The following CALN1 variants were observed in gnomAD, a reference collection of about 807,000 sequenced individuals.
The protein encoded by CALN1 is calcium-binding protein 8.
Under a neutral mutation model 30.6 loss-of-function variants are expected in CALN1, and 17 were observed. The observed-to-expected ratio is 0.56, with a 90% confidence interval of 0.38 to 0.83. CALN1 has a LOEUF of 0.83. CALN1 is among the 40% of genes least tolerant of loss of function. The probability of loss-of-function intolerance (pLI) is 0.00; values close to 1 mark genes in which losing one functional copy is unlikely to be tolerated. For missense variants in CALN1, 291 were observed against 354.9 expected, an observed-to-expected ratio of 0.82 and a Z score of 1.45; for synonymous variants, 156 against 131.4, an observed-to-expected ratio of 1.19 and a Z score of -1.28.
At position 71,791,724 on chromosome 7, in the gene CALN1, T is replaced by C. The variant is rs111568417; in HGVS notation, c.659-3822A>G. On this transcript the variant is annotated intron_variant, in intron 6 of 6. Transcript: ENST00000395275. ...TAAACTAAAAGTTAAAAAAATGGCATTGAGGCCGGGCACGGTGGCTCACGC... is the reference window on the plus strand; with the variant it reads ...TAAACTAAAAGTTAAAAAAATGGCACTGAGGCCGGGCACGGTGGCTCACGC... Among the ~76,000 whole-genome samples, 941 of 152,244 alleles carry C rather than the reference T, an allele frequency of 6.2e-3. 12 individuals carry two copies. The highest frequency in any genetic ancestry group is 0.022 in the African/African-American group (906 of 41,562).
intron 4 of CALN1, among the ~76,000 whole-genome samples, chr7:72,095,985 G>A (rs1252150286): frequency 6.6e-6 from 1 of 152,126 alleles, no homozygotes; most frequent in Non-Finnish European, 1.5e-5. Context: ...GCTGCAGTGA[G>A]CTATGATGAC....
chr7:71,927,752 G>A (rs1038968935), intron 5 of CALN1, among the ~76,000 whole-genome samples: 1 of 152,068 alleles, frequency 6.6e-6, no homozygotes, highest in African/African-American at 2.4e-5. Context: ...TCCAGCCTTG[G>A]TCTTAGGAAG....
At chr7:72,376,121 C>T (rs1804538459) in intron 2 of CALN1, among the ~76,000 whole-genome samples, 1 of 151,992 alleles carries the variant, frequency 6.6e-6, no homozygotes, top group Non-Finnish European at 1.5e-5. Flanking sequence ...ATTATATCAT[C>T]TTCTGTTTAT....
chr7:71,853,348 C>A (rs575798284), intron 5 of CALN1, among the ~76,000 whole-genome samples: 1 of 151,990 alleles, frequency 6.6e-6, no homozygotes, highest in East Asian at 1.9e-4. Context: ...TTATTTATGG[C>A]ATCTAATTTG....
chr7:72,359,993 C>CAAAAAAAAAAAAAAAAAAAAA (rs1267520809), intron 2 of CALN1, among the ~76,000 whole-genome samples: 2 of 78,444 alleles, frequency 2.5e-5, no homozygotes, highest in African/African-American at 1.1e-4. Context: ...AAAAAAAAAC[C>CAAAAAAAAAAAAAAAAAAAAA]AAAGTTGACC....
intron 5 of CALN1, among the ~76,000 whole-genome samples, chr7:71,915,724 C>T (rs138160890): frequency 4.2e-4 from 63 of 149,762 alleles, no homozygotes; most frequent in African/African-American, 1.5e-3. Context: ...CAGAGCGAGA[C>T]TCCGTCTCAA....
intron 2 of CALN1, chr7:72,337,147 C>G: frequency 1.0e-6 from 1 of 985,370 alleles, no homozygotes; most frequent in Non-Finnish European, 1.2e-6. Flanking sequence ...GCTGGAGTTG[C>G]GCGCCCTAGA....
rs114161722 is a variant in CALN1 at position 71,893,771 on chromosome 7, G to A, written c.502-83279C>T. 2.8e-3 allele frequency among the ~76,000 whole-genome samples: 424 copies of A among 152,012 alleles called. 2 individuals carry two copies. Among genetic ancestry groups the A allele is most frequent in the African/African-American group, 9.4e-3 (390 of 41,464 alleles). ...CTCGGGATGTCAAGAAGAAAATGCCGTGAGATGAACCATTAAGGTTTCCTC... is the reference window on the plus strand; with the variant it reads ...CTCGGGATGTCAAGAAGAAAATGCCATGAGATGAACCATTAAGGTTTCCTC... On this transcript the variant is annotated intron_variant, in intron 5 of 6. Transcript: ENST00000395275.
chr7:72,014,870 C>T (rs1378190371), intron 5 of CALN1, among the ~76,000 whole-genome samples: 1 of 152,052 alleles, frequency 6.6e-6, no homozygotes, highest in Non-Finnish European at 1.5e-5. Flanking sequence ...GCTTTGTTAC[C>T]CAGGCTGGTC....
chr7:72,054,502 T>TACATATATATATAC (rs1554425550), intron 4 of CALN1, among the ~76,000 whole-genome samples: 1 of 131,528 alleles, frequency 7.6e-6, no homozygotes, highest in African/African-American at 3.2e-5. Context: ...CATATATACA[T>TACATATATATATAC]ATATATACAT....
intron 2 of CALN1, among the ~76,000 whole-genome samples, chr7:72,357,604 CA>C (rs1337349492): frequency 6.6e-6 from 1 of 151,564 alleles, no homozygotes; most frequent in East Asian, 1.9e-4. Flanking sequence ...AGACTCACGT[CA>C]AATCAACGGA....
At chr7:72,172,072 A>G (rs1447835285) in intron 3 of CALN1, among the ~76,000 whole-genome samples, 2 of 152,184 alleles carry the variant, frequency 1.3e-5, no homozygotes, top group African/African-American at 2.4e-5. Flanking sequence ...ATTGTCACAA[A>G]CAGGCTCATC....
upstream of CALN1, among the ~76,000 whole-genome samples, chr7:72,447,600 C>T (rs1380041390): frequency 1.3e-5 from 2 of 152,174 alleles, no homozygotes; most frequent in African/African-American, 4.8e-5. Context: ...TGCTCCCCTC[C>T]TGAGAGCACT....
intron 3 of CALN1, among the ~76,000 whole-genome samples, chr7:72,260,866 TG>T: frequency 6.6e-6 from 1 of 152,318 alleles, no homozygotes; most frequent in Non-Finnish European, 1.5e-5. Flanking sequence ...CCAAATTTTA[TG>T]ATCTATCATC....
chr7:72,158,366 G>C (rs1387499817), intron 3 of CALN1, among the ~76,000 whole-genome samples: 1 of 152,172 alleles, frequency 6.6e-6, no homozygotes, highest in East Asian at 1.9e-4. Flanking sequence ...CCTGGCCGTA[G>C]TCCAGGCAGG....
chr7:72,099,020 C>T (rs1806448696), intron 4 of CALN1, among the ~76,000 whole-genome samples: 1 of 152,202 alleles, frequency 6.6e-6, no homozygotes, highest in Non-Finnish European at 1.5e-5. Context: ...CATGTGTCAA[C>T]TTGAGTTGCA....
chr7:71,862,034 A>G (rs1791316915), intron 5 of CALN1, among the ~76,000 whole-genome samples: 1 of 152,188 alleles, frequency 6.6e-6, no homozygotes, highest in Non-Finnish European at 1.5e-5. Context: ...AAGGTTAGCA[A>G]CTAACTAACT....
intron 2 of CALN1, among the ~76,000 whole-genome samples, chr7:72,348,683 T>C (rs972610500): frequency 2.6e-5 from 4 of 152,146 alleles, no homozygotes; most frequent in Admixed American, 6.6e-5. Context: ...GCGGGTACAA[T>C]ACAGCCCATA....
intron 6 of CALN1, among the ~76,000 whole-genome samples, chr7:71,800,453 C>T (rs1367946533): frequency 6.6e-6 from 1 of 152,092 alleles, no homozygotes; most frequent in Non-Finnish European, 1.5e-5. Context: ...TTCACAGAAA[C>T]TATTTATTCC....
Sources: allele counts gnomAD v4.1 joint callset (sites outside exome capture counted in the v4.1 genomes callset), GRCh38; gene constraint gnomAD v4.1.1; transcripts MANE v1.5; gene names NCBI Gene and HGNC (gene_info 2026-07-23, HGNC 2026-07-21).